The following WRN variants were observed in gnomAD, a reference collection of about 807,000 sequenced individuals.
WRN encodes the protein WRN RecQ like helicase, also known as bifunctional 3'-5' exonuclease/ATP-dependent helicase WRN.
WRN carries 149 observed loss-of-function variants against 180.7 expected under a neutral mutation model. The ratio of observed to expected loss-of-function variants is 0.82; its 90% CI spans 0.72 to 0.94. WRN has a LOEUF of 0.94. Ranked by LOEUF, WRN falls within the 40% of genes least tolerant of loss-of-function variation. WRN has a pLI of 0.00. For missense variants in WRN, 1,661 were observed against 1,700.1 expected, an observed-to-expected ratio of 0.98 and a Z score of 0.40; for synonymous variants, 548 against 568.9, an observed-to-expected ratio of 0.96 and a Z score of 0.52.
chr8:31,171,931 C>T (rs1281149287), intron 34 of WRN, among the ~76,000 whole-genome samples: 1 of 152,040 alleles, frequency 6.6e-6, no homozygotes, highest in African/African-American at 2.4e-5. Context: ...TCATAAAATC[C>T]CTCAGTTACT....
chr8:31,088,779 A>G (rs1813633335), intron 12 of WRN, 111 bp from the exon 13 acceptor site: 4 of 880,720 alleles, frequency 4.5e-6, no homozygotes, highest in Admixed American at 4.0e-5. Flanking sequence ...ACATTAACCC[A>G]TGGTAGCTGT....
chr8:31,056,368 A>AAAC (rs1212273923), intron 1 of WRN, among the ~76,000 whole-genome samples: 1 of 152,198 alleles, frequency 6.6e-6, no homozygotes, highest in African/African-American at 2.4e-5. Flanking sequence ...TTCTCCTGTC[A>AAAC]AGGATTTTGA....
At chr8:31,109,963 T>A (rs1294986293) in intron 18 of WRN, among the ~76,000 whole-genome samples, 1 of 152,212 alleles carries the variant, frequency 6.6e-6, no homozygotes, top group African/African-American at 2.4e-5. Flanking sequence ...CCTGCTCACT[T>A]ATACATTATA....
At chr8:31,053,783 G>A (rs1388044464) in intron 1 of WRN, among the ~76,000 whole-genome samples, 3 of 152,180 alleles carry the variant, frequency 2.0e-5, no homozygotes, top group Admixed American at 6.5e-5. Flanking sequence ...TTTAATTGGT[G>A]TTATTTGAAT....
rs1427993542 is a variant in WRN, at chr8:31,085,157, T to C, written c.1351-9T>C. 1 of 1,612,560 alleles carries C rather than the reference T, an allele frequency of 6.2e-7. No individual in the cohort carries two copies. Among genetic ancestry groups the C allele is most frequent in the Non-Finnish European group, 8.5e-7 (1 of 1,179,016 alleles). On this transcript the variant is annotated splice_polypyrimidine_tract_variant and intron_variant, in intron 10 of 34. Transcript: ENST00000298139. The stretch of plus-strand genomic sequence containing the variant: ...ATTGGAAATTAATGCTTAATACTTT[T>C]TTTTAAAGCATTTATCTCCCAATGA...
chr8:31,155,322 TAACAAATGAC>T (rs1200885873), intron 32 of WRN, among the ~76,000 whole-genome samples: 1 of 152,114 alleles, frequency 6.6e-6, no homozygotes, highest in Admixed American at 6.6e-5. Flanking sequence ...CTAATTGCTG[TAACAAATGAC>T]CATACGTAGG....
chr8:31,086,180 C>G (rs1813523386), intron 11 of WRN, among the ~76,000 whole-genome samples: 1 of 143,986 alleles, frequency 6.9e-6, no homozygotes, highest in Non-Finnish European at 1.5e-5. Flanking sequence ...TTTTTTATTC[C>G]TAATCTTTAG....
intron 1 of WRN, among the ~76,000 whole-genome samples, chr8:31,041,760 CA>C (rs1811665661): frequency 6.6e-6 from 1 of 152,096 alleles, no homozygotes; most frequent in Admixed American, 6.5e-5. Context: ...GTAGGATTGC[CA>C]GGAAGTAGTA....
chr8:31,098,217 GTTGTATGAAGTTA>G (rs1292919434), intron 17 of WRN, among the ~76,000 whole-genome samples: 1 of 151,970 alleles, frequency 6.6e-6, no homozygotes, highest in African/African-American at 2.4e-5. Flanking sequence ...TTCCTAATAG[GTTGTATGAAGTTA>G]TTGTGAATAT....
rs372005303 is a variant in WRN at position 31,167,124 on chromosome 8, G to A, written c.4085G>A (p.Gly1362Glu). 1.9e-6 allele frequency: 3 copies of A among 1,613,290 alleles called. No individual in the cohort carries two copies. The highest frequency in any genetic ancestry group is 2.7e-5 in the African/African-American group (2 of 74,886). ...IEILKHGPDS[G>E]LQPSCDVNKR... The stretch of plus-strand genomic sequence containing the variant: ...ATCCTTAAACATGGTCCTGACAGCG[G>A]ACTTCAACCTTCATGTGATGTCAAC... Residue 1362 changes from glycine (G) to glutamate (E), a missense_variant, in exon 34 of 35, where the codon GGA becomes GAA. By Grantham distance (98) the Gly-to-Glu change is moderately conservative (BLOSUM62 -2). Transcript: ENST00000298139.
intron 17 of WRN, among the ~76,000 whole-genome samples, chr8:31,098,057 T>C (rs969615497): frequency 2.0e-5 from 3 of 152,174 alleles, no homozygotes; most frequent in Admixed American, 2.0e-4. Flanking sequence ...ACTTGTATCT[T>C]TTTTATTATG....
chr8:31,116,385 A>G lies in WRN; in HGVS notation c.2305A>G (p.Ile769Val), dbSNP rs1278754650. ...CTGGGAATTTGAAGGTCCAACAATC[A>G]TCTACTGTCCTTCTAGAAAAATGAC... Reference protein sequence around the residue: ...SHWEFEGPTIIYCPSRKMTQQ... With the variant: ...SHWEFEGPTIVYCPSRKMTQQ... Residue 769 changes from isoleucine (I) to valine (V), a missense_variant, in exon 20 of 35, where the codon ATC (isoleucine) becomes GTC (valine). Physicochemically the swap from Ile to Val is conservative, Grantham distance 29. Transcript: ENST00000298139. The G allele has an allele frequency of 7.4e-6, 12 of 1,613,880 alleles. No individual in the cohort carries two copies. In the Admixed American group the frequency reaches 1.3e-4, roughly 18 times the overall value.
intron 18 of WRN, among the ~76,000 whole-genome samples, chr8:31,104,157 C>A (rs914071933): frequency 7.2e-5 from 11 of 152,296 alleles, no homozygotes; most frequent in African/African-American, 2.6e-4. Flanking sequence ...ACCTGTTTTC[C>A]AAAGTGGCTG....
intron 32 of WRN, among the ~76,000 whole-genome samples, chr8:31,156,042 C>A (rs1803373439): frequency 6.6e-6 from 1 of 152,214 alleles, no homozygotes; most frequent in South Asian, 2.1e-4. Context: ...TGAAATAGAA[C>A]ACATAATAAA....
At chr8:31,119,858 G>C (rs1801652694) in intron 20 of WRN, 1 of 189,338 alleles carries the variant, frequency 5.3e-6, no homozygotes, top group South Asian at 1.1e-4. Flanking sequence ...TTAATGAGAA[G>C]CTTCCATCTT....
chr8:31,088,546 TA>T (rs1471483209), intron 12 of WRN, among the ~76,000 whole-genome samples: 1 of 152,154 alleles, frequency 6.6e-6, no homozygotes, highest in Non-Finnish European at 1.5e-5. Context: ...TGATTACCAT[TA>T]ATTGAAGGTT....
chr8:31,090,238 T>A (rs1407719726), intron 13 of WRN, among the ~76,000 whole-genome samples: 1 of 150,986 alleles, frequency 6.6e-6, no homozygotes, highest in Non-Finnish European at 1.5e-5. Context: ...TTACTTTAGA[T>A]GTATGTAGTG....
At chr8:31,087,090 TAA>T (rs1813564251) in intron 11 of WRN, among the ~76,000 whole-genome samples, 1 of 151,984 alleles carries the variant, frequency 6.6e-6, no homozygotes, top group South Asian at 2.1e-4. Context: ...AAATATTAAA[TAA>T]AAGATTTAAT....
At chr8:31,037,807 A>G (rs1039217400) in intron 1 of WRN, among the ~76,000 whole-genome samples, 1 of 152,164 alleles carries the variant, frequency 6.6e-6, no homozygotes, top group Non-Finnish European at 1.5e-5. Context: ...TTTTGAAGTC[A>G]GGTAGTGTGA....
Sources: gnomAD v4.1 joint callset for allele counts (sites outside exome capture counted in the v4.1 genomes callset) on GRCh38, gnomAD v4.1.1 for gene constraint, MANE v1.5 for transcripts, NCBI Gene and HGNC (gene_info 2026-07-23, HGNC 2026-07-21) for gene names.